Variants in RPTOR observed in about 807,000 individuals in gnomAD.
The protein encoded by RPTOR is regulatory associated protein of MTOR complex 1, also known as regulatory-associated protein of mTOR.
Under a neutral mutation model 169.9 loss-of-function variants are expected in RPTOR, and 21 were observed. The observed-to-expected ratio is 0.12, with a 90% CI of 0.09 to 0.18. The LOEUF is 0.18. RPTOR is among the 10% of genes least tolerant of loss of function. The pLI is 1.00. For missense variants in RPTOR, 1,133 were observed against 1,855.9 expected (o/e 0.61, Z 7.16); for synonymous variants, 732 against 753.2 (o/e 0.97, Z 0.46).
rs1045858817 is a variant in RPTOR at position 80,689,813 on chromosome 17, A to G, written c.349-18028A>G. Among the ~76,000 whole-genome samples the G allele has an allele frequency of 5.9e-5, 9 of 152,158 alleles. No homozygotes were observed. The East Asian group carries it at 7.7e-4, about 13-fold the overall frequency. On this transcript the variant is annotated intron_variant, in intron 3 of 33. Coordinates refer to ENST00000306801, the MANE Select transcript of RPTOR (RefSeq NM_020761.3). ...GTGCCCTCAAGCATTCTCCTATTCA[A>G]TAGAAAACATATTTTTCTAGGTATG...
rs183291686 is a variant in RPTOR, at chr17:80,944,156, G to C, written c.3026-1511G>C. On this transcript the variant is annotated intron_variant, in intron 25 of 33. Coordinates refer to ENST00000306801, the MANE Select transcript of RPTOR (RefSeq NM_020761.3). ...TTACTTCCTAGTGCTCGTGTTTGGG[G>C]GCCTGGTGGTTAAGTCCACGTTCCC... Among the ~76,000 whole-genome samples the C allele has an allele frequency of 1.7e-4, 26 of 152,254 alleles. No individual in the cohort carries two copies. The East Asian group carries it at 4.2e-3, about 25-fold the overall frequency.
intron 3 of RPTOR, among the ~76,000 whole-genome samples, chr17:80,669,679 G>A (rs1192739527): frequency 2.0e-5 from 3 of 152,170 alleles, no homozygotes; most frequent in Non-Finnish European, 2.9e-5. Context: ...CACCGCGCCC[G>A]GCCCAGTAGT....
At chr17:80,611,829 T>A (rs908347531) in intron 1 of RPTOR, among the ~76,000 whole-genome samples, 1 of 152,072 alleles carries the variant, frequency 6.6e-6, no homozygotes, top group Non-Finnish European at 1.5e-5. Context: ...ATGCAGAGGT[T>A]TTTCCCCCCC....
At chr17:80,852,333 C>T (rs967135431) in intron 11 of RPTOR, among the ~76,000 whole-genome samples, 5 of 152,166 alleles carry the variant, frequency 3.3e-5, no homozygotes, top group East Asian at 3.9e-4. Context: ...TCAGGTTAGC[C>T]GGCCCCAGAG....
chr17:80,930,277 C>A (rs575215589), intron 24 of RPTOR, among the ~76,000 whole-genome samples: 183 of 120,702 alleles, frequency 1.5e-3, no homozygotes, highest in African/African-American at 5.3e-3. Context: ...CTCAGCTCAT[C>A]CCCTGCTCAT....
At chr17:80,760,300 C>CTTT (rs1479994551) in intron 6 of RPTOR, among the ~76,000 whole-genome samples, 2,743 of 96,344 alleles carry the variant, frequency 0.028, 207 homozygotes, top group African/African-American at 0.075. Flanking sequence ...TTTCTTTTTT[C>CTTT]TTTTTTCTTT....
At chr17:80,608,934 C>A (rs919046059) in intron 1 of RPTOR, among the ~76,000 whole-genome samples, 4 of 152,222 alleles carry the variant, frequency 2.6e-5, no homozygotes, top group Non-Finnish European at 5.9e-5. Flanking sequence ...GCAAAATTTG[C>A]TGACCCAATG....
At chr17:80,834,251 G>A (rs2067538700) in intron 9 of RPTOR, among the ~76,000 whole-genome samples, 2 of 152,194 alleles carry the variant, frequency 1.3e-5, no homozygotes, top group South Asian at 4.1e-4. Flanking sequence ...GCTGATAATC[G>A]GGTTCCAGCG....
intron 20 of RPTOR, among the ~76,000 whole-genome samples, chr17:80,894,247 A>G (rs921047842): frequency 6.6e-6 from 1 of 152,186 alleles, no homozygotes; most frequent in Non-Finnish European, 1.5e-5. Context: ...CCCACGAGCA[A>G]CTGGGGTACA....
chr17:80,737,169 A>T (rs1288847096), intron 5 of RPTOR, among the ~76,000 whole-genome samples: 2 of 151,952 alleles, frequency 1.3e-5, no homozygotes, highest in East Asian at 3.9e-4. Flanking sequence ...TACTGGAGGT[A>T]TGTGGTGATT....
chr17:80,791,969 G>T (rs117322320), intron 7 of RPTOR, among the ~76,000 whole-genome samples: 25 of 152,084 alleles, frequency 1.6e-4, no homozygotes, highest in Non-Finnish European at 2.8e-4. Context: ...TTCAGAACCT[G>T]AGCGATGAAG....
intron 3 of RPTOR, among the ~76,000 whole-genome samples, chr17:80,661,426 C>G (rs1478700733): frequency 1.3e-5 from 2 of 152,172 alleles, no homozygotes; most frequent in Admixed American, 1.3e-4. Context: ...GCGGGAGCCC[C>G]AGGACTCACT....
chr17:80,953,049 G>C, intron 28 of RPTOR, among the ~76,000 whole-genome samples: 1 of 151,798 alleles, frequency 6.6e-6, no homozygotes, highest in East Asian at 1.9e-4. Context: ...ATTTTTAGTA[G>C]AGATGGGGTT....
At chr17:80,639,924 C>G (rs556047885) in intron 2 of RPTOR, among the ~76,000 whole-genome samples, 1 of 152,356 alleles carries the variant, frequency 6.6e-6, no homozygotes, top group African/African-American at 2.4e-5. Context: ...CCAGCACTAT[C>G]AATAACCTTG....
chr17:80,907,148 C>T (rs2068553680), intron 20 of RPTOR, among the ~76,000 whole-genome samples: 1 of 152,238 alleles, frequency 6.6e-6, no homozygotes, highest in Admixed American at 6.5e-5. Flanking sequence ...GACACGAGGC[C>T]CTCCACTGGC....
chr17:80,779,915 T>C (rs2066924112), intron 6 of RPTOR, among the ~76,000 whole-genome samples: 1 of 152,178 alleles, frequency 6.6e-6, no homozygotes, highest in Admixed American at 6.5e-5. Context: ...TGCTCTTCCT[T>C]AGCCCCCAGT....
At chr17:80,762,879 AG>A (rs2066749256) in intron 6 of RPTOR, among the ~76,000 whole-genome samples, 1 of 152,210 alleles carries the variant, frequency 6.6e-6, no homozygotes, top group African/African-American at 2.4e-5. Context: ...GAGAAAAGAC[AG>A]GCTTAGTAAA....
At chr17:80,725,233 G>A (rs890165692) in intron 4 of RPTOR, among the ~76,000 whole-genome samples, 48 of 152,302 alleles carry the variant, frequency 3.2e-4, no homozygotes, top group African/African-American at 1.0e-3. Flanking sequence ...CTGCCTTGGT[G>A]GCTAACTCAG....
chr17:80,558,685 G>T (rs2084441044), intron 1 of RPTOR, among the ~76,000 whole-genome samples: 1 of 152,126 alleles, frequency 6.6e-6, no homozygotes, highest in South Asian at 2.1e-4. Context: ...TGTCTCCTTA[G>T]AGGAGGCCAT....
Sources: gnomAD v4.1 joint callset for allele counts (sites outside exome capture counted in the v4.1 genomes callset) on GRCh38, gnomAD v4.1.1 for gene constraint, MANE v1.5 for transcripts, NCBI Gene and HGNC (gene_info 2026-07-23, HGNC 2026-07-21) for gene names.